Variants in CCDC91 observed in about 807,000 individuals in gnomAD.
The protein encoded by CCDC91 is coiled-coil domain-containing protein 91.
CCDC91 carries 48 observed loss-of-function variants against 63.2 expected under a neutral mutation model. The observed-to-expected ratio is 0.76, with a 90% CI of 0.60 to 0.97. CCDC91 has a LOEUF of 0.97. Ranked by LOEUF, CCDC91 falls within the 50% of genes least tolerant of loss-of-function variation. The pLI is 0.00. For synonymous variants in CCDC91, 167 were observed against 165.8 expected (o/e 1.01, Z -0.06); for missense variants, 500 against 494.6 (o/e 1.01, Z -0.10).
At chr12:28,275,508 C>T in intron 3 of CCDC91, among the ~76,000 whole-genome samples, 1 of 152,058 alleles carries the variant, frequency 6.6e-6, no homozygotes, top group East Asian at 1.9e-4. Flanking sequence ...AAGTCCAGGA[C>T]CAGATGGATT....
chr12:28,250,277 A>AT (rs1425502064), intron 1 of CCDC91, among the ~76,000 whole-genome samples: 14 of 152,290 alleles, frequency 9.2e-5, no homozygotes, highest in Admixed American at 6.5e-4. Context: ...ATAAAGGAAA[A>AT]TTTAGTTATT....
chr12:28,425,693 C>CT (rs1488474722), intron 8 of CCDC91, among the ~76,000 whole-genome samples: 1 of 152,160 alleles, frequency 6.6e-6, no homozygotes, highest in East Asian at 1.9e-4. Flanking sequence ...GGAACTCTCT[C>CT]TAACTGTTGA....
chr12:28,544,968 C>T (rs1942885359), intron 12 of CCDC91, among the ~76,000 whole-genome samples: 2 of 151,976 alleles, frequency 1.3e-5, no homozygotes, highest in Admixed American at 6.6e-5. Flanking sequence ...TTCTAAAAGG[C>T]TTTCAGCAGT....
intron 6 of CCDC91, among the ~76,000 whole-genome samples, chr12:28,359,835 G>T (rs1324702355): frequency 6.6e-6 from 1 of 152,102 alleles, no homozygotes. Context: ...CTAATATTTA[G>T]TATATGGGTT....
intron 1 of CCDC91, among the ~76,000 whole-genome samples, chr12:28,209,994 C>T (rs1591992015): frequency 6.6e-6 from 1 of 152,130 alleles, no homozygotes; most frequent in Admixed American, 6.5e-5. Context: ...TCATAACTTC[C>T]GTAGACCATC....
At chr12:28,280,774 C>G (rs1948554224) in intron 3 of CCDC91, among the ~76,000 whole-genome samples, 1 of 150,552 alleles carries the variant, frequency 6.6e-6, no homozygotes, top group Non-Finnish European at 1.5e-5. Context: ...GGGCCAGGAG[C>G]TCAAGACCAA....
chr12:28,333,396 G>GAAAA (rs1217580461), intron 6 of CCDC91, among the ~76,000 whole-genome samples: 13 of 89,098 alleles, frequency 1.5e-4, no homozygotes, highest in South Asian at 3.8e-4. Flanking sequence ...CTCCATCTCA[G>GAAAA]AAAAAAAAAA....
chr12:28,351,859 T>C (rs887975260), intron 6 of CCDC91, among the ~76,000 whole-genome samples: 3 of 152,168 alleles, frequency 2.0e-5, no homozygotes, highest in African/African-American at 7.2e-5. Context: ...TGTATTTCTC[T>C]TAGTACACCA....
Position 28,307,761 on chromosome 12 carries a change from G to T in CCDC91, c.576+12G>T, listed in dbSNP as rs1270453671. The T allele has an allele frequency of 7.3e-7, 1 of 1,363,118 alleles. No homozygotes were observed. The highest frequency in any genetic ancestry group is 1.0e-6 in the Non-Finnish European group (1 of 968,826). 84.4% of individuals were successfully genotyped at this position (1,363,118 alleles called of 1,614,324 possible). A position where few individuals can be genotyped will look rare whatever the true frequency, so the allele number is the denominator to read the frequency against. Reference sequence around the variant, plus strand: ...ACAAAGAACTTCAGGTAAGGCGATTGAACTTAAGATTTAAAATGTAAGCCT... The same window carrying T: ...ACAAAGAACTTCAGGTAAGGCGATTTAACTTAAGATTTAAAATGTAAGCCT... On this transcript the variant is annotated intron_variant, in intron 6 of 12. Coordinates refer to ENST00000536442, the MANE Select transcript of CCDC91 (RefSeq NM_018318.5).
At chr12:28,256,100 T>C (rs1946422681) in intron 1 of CCDC91, 1 of 152,192 alleles carries the variant, frequency 6.6e-6, no homozygotes, top group Non-Finnish European at 1.5e-5. Context: ...TAAAGTTTTC[T>C]TTTTAATTTA....
At chr12:28,315,818 TA>T in intron 6 of CCDC91, among the ~76,000 whole-genome samples, 1 of 151,842 alleles carries the variant, frequency 6.6e-6, no homozygotes. Context: ...TTTTTTTTTT[TA>T]ATCCTTGTAG....
intron 8 of CCDC91, among the ~76,000 whole-genome samples, chr12:28,413,952 TC>T (rs1565934880): frequency 6.6e-6 from 1 of 152,182 alleles, no homozygotes; most frequent in Non-Finnish European, 1.5e-5. Flanking sequence ...ACGATCTCTT[TC>T]CCTTTTTGCC....
intron 8 of CCDC91, among the ~76,000 whole-genome samples, chr12:28,407,332 C>T (rs1355641750): frequency 6.6e-6 from 1 of 152,154 alleles, no homozygotes; most frequent in African/African-American, 2.4e-5. Flanking sequence ...AATCAATCGA[C>T]CATATATATG....
chr12:28,334,576 C>T (rs917350256), intron 6 of CCDC91, among the ~76,000 whole-genome samples: 9 of 152,098 alleles, frequency 5.9e-5, no homozygotes. Flanking sequence ...TGGCTTGCTT[C>T]TGTATTAGGG....
chr12:28,461,074 T>C (rs914558006), intron 11 of CCDC91, among the ~76,000 whole-genome samples: 1 of 151,930 alleles, frequency 6.6e-6, no homozygotes, highest in Non-Finnish European at 1.5e-5. Context: ...TGCTGAGTAC[T>C]ATAGGCAGTT....
intron 3 of CCDC91, among the ~76,000 whole-genome samples, chr12:28,261,790 C>A (rs1008622782): frequency 8.6e-5 from 13 of 151,790 alleles, no homozygotes; most frequent in African/African-American, 3.1e-4. Flanking sequence ...GTTCTCAAAC[C>A]TTCGCGAAAC....
At chr12:28,192,134 G>A (rs1941311587) in intron 1 of CCDC91, among the ~76,000 whole-genome samples, 1 of 152,146 alleles carries the variant, frequency 6.6e-6, no homozygotes, top group African/African-American at 2.4e-5. Context: ...ACACACAAAA[G>A]AAACTGCAGA....
chr12:28,196,082 G>A (rs573826323), intron 1 of CCDC91, among the ~76,000 whole-genome samples: 47 of 152,320 alleles, frequency 3.1e-4, no homozygotes, highest in Non-Finnish European at 6.8e-4. Flanking sequence ...TCTAGCCTCT[G>A]CAACAGAGAG....
chr12:28,505,219 G>A (rs1299762654), intron 12 of CCDC91, among the ~76,000 whole-genome samples: 4 of 151,762 alleles, frequency 2.6e-5, no homozygotes, highest in Admixed American at 2.6e-4. Context: ...CTAATGGAAC[G>A]CTGAATTTTG....
Sources: allele counts gnomAD v4.1 joint callset (sites outside exome capture counted in the v4.1 genomes callset), GRCh38; gene constraint gnomAD v4.1.1; transcripts MANE v1.5; gene names NCBI Gene and HGNC (gene_info 2026-07-23, HGNC 2026-07-21).